The following HIVEP1 variants were observed in gnomAD, a reference collection of about 807,000 sequenced individuals.
HIVEP1 encodes the protein zinc finger protein 40.
HIVEP1 carries 36 observed loss-of-function variants against 180.0 expected under a neutral mutation model. The observed-to-expected ratio is 0.20, with a 90% confidence interval of 0.15 to 0.26. The LOEUF (loss-of-function observed/expected upper bound fraction) is 0.26. HIVEP1 is among the 10% of genes least tolerant of loss of function. HIVEP1 has a pLI of 1.00. For synonymous variants in HIVEP1, 1,239 were observed against 1,239.0 expected (o/e 1.00, Z 0.00); for missense variants, 3,143 against 3,268.7 (o/e 0.96, Z 0.94).
rs115586021 is a variant in HIVEP1 at position 12,061,441 on chromosome 6, A to T, written c.41-27743A>T. On this transcript the variant is annotated intron_variant, in intron 2 of 8. Coordinates refer to ENST00000379388, the MANE Select transcript of HIVEP1 (RefSeq NM_002114.4). Reference sequence around the variant, plus strand: ...GTAACCAGAAATGACTGTGTTACTAACCTGGTATCATTGTTATACAGATAT... The same window carrying T: ...GTAACCAGAAATGACTGTGTTACTATCCTGGTATCATTGTTATACAGATAT... Among the ~76,000 whole-genome samples the T allele has an allele frequency of 9.1e-3, 1,383 of 152,324 alleles. 17 individuals carry two copies. Among genetic ancestry groups the T allele is most frequent in the African/African-American group, 0.032 (1,312 of 41,564 alleles).
chr6:12,202,168 T>A, the HIVEP1 span, among the ~76,000 whole-genome samples: 4 of 152,144 alleles, frequency 2.6e-5, no homozygotes, highest in African/African-American at 9.7e-5. Context: ...TATTTATATA[T>A]TTTTTGAGAC....
intron 7 of HIVEP1, among the ~76,000 whole-genome samples, chr6:12,160,738 C>T (rs995216077): frequency 5.9e-5 from 9 of 152,204 alleles, no homozygotes; most frequent in South Asian, 2.1e-4. Context: ...TGCCTGTCCA[C>T]GGTTAAGCTA....
intron 2 of HIVEP1, among the ~76,000 whole-genome samples, chr6:12,043,588 A>C (rs1386438466): frequency 6.6e-6 from 1 of 152,058 alleles, no homozygotes; most frequent in Non-Finnish European, 1.5e-5. Context: ...GCTGGTCTCA[A>C]ACTCCTGACC....
At chr6:12,060,574 C>G (rs1771161270) in intron 2 of HIVEP1, among the ~76,000 whole-genome samples, 1 of 152,060 alleles carries the variant, frequency 6.6e-6, no homozygotes, top group Non-Finnish European at 1.5e-5. Context: ...CTCTCTCTGT[C>G]GTTTTTAAGA....
chr6:12,030,462 T>C (rs1456879357), intron 2 of HIVEP1, among the ~76,000 whole-genome samples: 5 of 152,158 alleles, frequency 3.3e-5, no homozygotes, highest in African/African-American at 1.2e-4. Flanking sequence ...TAATATCTCT[T>C]TAATTTTTTT....
At chr6:12,147,298 A>AT (rs1759434927) in intron 7 of HIVEP1, among the ~76,000 whole-genome samples, 1 of 152,142 alleles carries the variant, frequency 6.6e-6, no homozygotes. Context: ...GAAAACTATT[A>AT]TTTTTTAGAT....
chr6:12,135,955 T>C, intron 7 of HIVEP1, 63 bp downstream of exon 7: 1 of 991,988 alleles, frequency 1.0e-6, no homozygotes, highest in Non-Finnish European at 1.6e-6. Flanking sequence ...TTTGCTTCCA[T>C]ACCCTTTCCA....
intron 2 of HIVEP1, among the ~76,000 whole-genome samples, chr6:12,080,532 T>G (rs1398333495): frequency 6.6e-6 from 1 of 152,186 alleles, no homozygotes; most frequent in Non-Finnish European, 1.5e-5. Flanking sequence ...TGTAACACAT[T>G]TGTTGTGTGT....
chr6:12,078,333 G>T (rs1772512125), intron 2 of HIVEP1, among the ~76,000 whole-genome samples: 1 of 152,038 alleles, frequency 6.6e-6, no homozygotes, highest in South Asian at 2.1e-4. Context: ...CGTCTCTGTT[G>T]CTCAGATCCT....
downstream of HIVEP1, chr6:12,165,133 C>T (rs1459389716): frequency 1.9e-6 from 1 of 515,072 alleles, no homozygotes; most frequent in Non-Finnish European, 3.9e-6. Context: ...CTTTACTCGC[C>T]TTTCTACCAT....
At chr6:12,020,521 G>C in intron 2 of HIVEP1, 1 of 455,950 alleles carries the variant, frequency 2.2e-6, no homozygotes, top group Non-Finnish European at 4.6e-6. Context: ...GCCTTCGCTT[G>C]GACCCTTGAG....
chr6:12,129,494 A>G (rs2113559758), intron 4 of HIVEP1: 1 of 536,746 alleles, frequency 1.9e-6, no homozygotes, highest in South Asian at 1.6e-5. Context: ...ATACCATGGT[A>G]TAGGAGGTTG....
the HIVEP1 span, among the ~76,000 whole-genome samples, chr6:12,204,593 T>A: frequency 6.6e-6 from 1 of 152,160 alleles, no homozygotes; most frequent in Admixed American, 6.5e-5. Flanking sequence ...ACTAAAAAAA[T>A]TTGCAGTCAT....
intron 2 of HIVEP1, among the ~76,000 whole-genome samples, chr6:12,028,682 T>C (rs993422479): frequency 6.6e-6 from 1 of 152,244 alleles, no homozygotes; most frequent in Non-Finnish European, 1.5e-5. Flanking sequence ...TATACTACTG[T>C]ATACTGTATT....
the HIVEP1 span, among the ~76,000 whole-genome samples, chr6:12,206,683 T>C: frequency 9.2e-5 from 14 of 152,314 alleles, no homozygotes; most frequent in African/African-American, 3.4e-4. Context: ...CCAACCAGTC[T>C]GTGGTGCTTT....
rs772858028 is a variant in HIVEP1 at position 12,164,494 on chromosome 6, A to G, written c.*33A>G. Reference sequence around the variant, plus strand: ...TATTTTTTATTTGCTTTTTTTTTATATAACACTTAAAGGTTTCTTTGAAAA... The same window carrying G: ...TATTTTTTATTTGCTTTTTTTTTATGTAACACTTAAAGGTTTCTTTGAAAA... On this transcript the variant is annotated 3_prime_UTR_variant, in exon 9 of 9. Coordinates refer to ENST00000379388, the MANE Select transcript of HIVEP1 (RefSeq NM_002114.4). 1.7e-5 allele frequency: 26 copies of G among 1,499,984 alleles called. No homozygotes were observed. Among genetic ancestry groups the G allele is most frequent in the Non-Finnish European group, 2.2e-5 (24 of 1,110,818 alleles). 92.9% of individuals were successfully genotyped at this position (1,499,984 alleles called of 1,614,324 possible).
chr6:12,099,183 G>GGTTTTTTTTT (rs373744044), intron 3 of HIVEP1, among the ~76,000 whole-genome samples: 8 of 138,456 alleles, frequency 5.8e-5, no homozygotes, highest in African/African-American at 2.2e-4. Context: ...ATGTCACTGA[G>GGTTTTTTTTT]TTTTTTTTTT....
chr6:12,175,782 A>G, the HIVEP1 span, among the ~76,000 whole-genome samples: 1 of 152,148 alleles, frequency 6.6e-6, no homozygotes, highest in Non-Finnish European at 1.5e-5. Flanking sequence ...TCACTAAGGG[A>G]GGATGGGCTG....
chr6:12,156,290 C>T (rs1760042790), intron 7 of HIVEP1, among the ~76,000 whole-genome samples: 2 of 151,746 alleles, frequency 1.3e-5, no homozygotes, highest in Admixed American at 1.3e-4. Flanking sequence ...TTGGTGTTTT[C>T]GTCATAAAAT....
Sources: gnomAD v4.1 joint callset for allele counts (sites outside exome capture counted in the v4.1 genomes callset) on GRCh38, gnomAD v4.1.1 for gene constraint, MANE v1.5 for transcripts, NCBI Gene and HGNC (gene_info 2026-07-23, HGNC 2026-07-21) for gene names.